The following RBFOX1 variants were observed in gnomAD, a reference collection of about 807,000 sequenced individuals.
The protein encoded by RBFOX1 is RNA binding fox-1 homolog 1.
A neutral mutation model predicts 57.7 loss-of-function variants in RBFOX1; 8 were observed. That is an observed-to-expected ratio of 0.14 (90% confidence interval 0.08 to 0.25). The LOEUF is 0.25. Ranked by LOEUF, RBFOX1 falls within the 10% of genes least tolerant of loss-of-function variation. The pLI, the probability that RBFOX1 is intolerant of heterozygous loss-of-function variation, is 1.00. For synonymous variants in RBFOX1, 326 were observed against 222.4 expected (o/e 1.47, Z -4.15); for missense variants, 611 against 548.5 (o/e 1.11, Z -1.14).
chr16:6,540,138 G>A (rs533502612), intron 2 of RBFOX1, among the ~76,000 whole-genome samples: 1 of 152,252 alleles, frequency 6.6e-6, no homozygotes, highest in South Asian at 2.1e-4. Flanking sequence ...ATAATGACCT[G>A]ATTCTGTATG....
At chr16:6,687,581 C>T (rs2059618061) in intron 3 of RBFOX1, among the ~76,000 whole-genome samples, 1 of 152,098 alleles carries the variant, frequency 6.6e-6, no homozygotes, top group South Asian at 2.1e-4. Flanking sequence ...TATTTCTTGC[C>T]ACATAAAATT....
intron 1 of RBFOX1, among the ~76,000 whole-genome samples, chr16:5,464,295 A>T (rs1261226807): frequency 2.6e-5 from 4 of 152,224 alleles, no homozygotes; most frequent in African/African-American, 4.8e-5. Context: ...TGGGGTAGAC[A>T]TTGGGGTCCA....
intron 4 of RBFOX1, among the ~76,000 whole-genome samples, chr16:7,267,509 C>G (rs965013760): frequency 5.9e-5 from 9 of 151,956 alleles, no homozygotes; most frequent in Non-Finnish European, 1.2e-4. Context: ...GCATTCCAGC[C>G]TGGGCAACAG....
intron 4 of RBFOX1, among the ~76,000 whole-genome samples, chr16:5,894,492 C>T (rs982212775): frequency 6.6e-6 from 1 of 152,000 alleles, no homozygotes. Flanking sequence ...CCTGGCTGGT[C>T]TTGAACTCCT....
At chr16:7,104,818 C>G (rs893535932) in intron 4 of RBFOX1, among the ~76,000 whole-genome samples, 2 of 152,114 alleles carry the variant, frequency 1.3e-5, no homozygotes, top group Admixed American at 6.6e-5. Flanking sequence ...CACAAAGAGG[C>G]TCAGACAAAA....
At chr16:6,359,747 CCTTATA>C (rs1338676452) in intron 2 of RBFOX1, among the ~76,000 whole-genome samples, 2 of 152,088 alleles carry the variant, frequency 1.3e-5, no homozygotes, top group Admixed American at 6.6e-5. Flanking sequence ...TATAAGCCAG[CCTTATA>C]CTTATACTTA....
At chr16:7,262,867 A>C (rs995011853) in intron 4 of RBFOX1, among the ~76,000 whole-genome samples, 1 of 152,256 alleles carries the variant, frequency 6.6e-6, no homozygotes, top group Non-Finnish European at 1.5e-5. Flanking sequence ...AGATAGGACA[A>C]GAGAGAAAAC....
intron 2 of RBFOX1, among the ~76,000 whole-genome samples, chr16:6,601,399 T>C (rs370822601): frequency 1.7e-3 from 262 of 152,292 alleles, no homozygotes; most frequent in African/African-American, 6.1e-3. Flanking sequence ...GTGCTTTTGT[T>C]GGTATTGTGG....
intron 1 of RBFOX1, among the ~76,000 whole-genome samples, chr16:6,162,300 G>C (rs764044741): frequency 4.6e-5 from 7 of 152,120 alleles, no homozygotes; most frequent in Non-Finnish European, 8.8e-5. Flanking sequence ...ATTTTTAGTA[G>C]AGACGGGGTT....
At chr16:5,326,687 A>AT (rs1419495425) in intron 1 of RBFOX1, among the ~76,000 whole-genome samples, 1 of 152,238 alleles carries the variant, frequency 6.6e-6, no homozygotes, top group East Asian at 1.9e-4. Flanking sequence ...CGTTCCAATT[A>AT]AAAAGAGAAA....
At chr16:5,289,298 C>T in intron 1 of RBFOX1, 1 of 423,812 alleles carries the variant, frequency 2.4e-6, no homozygotes, top group Non-Finnish European at 4.5e-6. Context: ...ATGTGGCCTC[C>T]CATGGTCAGC....
intron 5 of RBFOX1, among the ~76,000 whole-genome samples, chr16:7,531,101 T>C (rs937398623): frequency 2.0e-5 from 3 of 152,142 alleles, no homozygotes; most frequent in African/African-American, 7.2e-5. Context: ...ATGTTGCAGA[T>C]TTGTTTTGAA....
intron 1 of RBFOX1, chr16:5,366,082 C>T: frequency 2.1e-6 from 1 of 470,660 alleles, no homozygotes; most frequent in Non-Finnish European, 4.2e-6. Flanking sequence ...ATCATACCAC[C>T]AGTGCTCTTA....
chr16:6,747,709 A>T (rs550143383), intron 3 of RBFOX1, among the ~76,000 whole-genome samples: 2 of 152,254 alleles, frequency 1.3e-5, no homozygotes, highest in South Asian at 4.1e-4. Context: ...AAAAGCAGAA[A>T]TATGTCTTCT....
intron 2 of RBFOX1, among the ~76,000 whole-genome samples, chr16:6,616,978 C>T (rs1301435776): frequency 1.3e-5 from 2 of 152,122 alleles, no homozygotes; most frequent in Non-Finnish European, 2.9e-5. Flanking sequence ...CAACAGAGAC[C>T]TTATGTCCTG....
At chr16:5,408,777 C>T (rs1457884322) in intron 1 of RBFOX1, among the ~76,000 whole-genome samples, 1 of 152,172 alleles carries the variant, frequency 6.6e-6, no homozygotes, top group Non-Finnish European at 1.5e-5. Context: ...CAGGCACTTC[C>T]CATGGCAAAA....
intron 4 of RBFOX1, among the ~76,000 whole-genome samples, chr16:7,405,866 T>C (rs1568676624): frequency 6.6e-6 from 1 of 152,156 alleles, no homozygotes; most frequent in Non-Finnish European, 1.5e-5. Flanking sequence ...AGGTCTGTGA[T>C]TCTCAGGCAG....
chr16:7,520,084 A>C (rs1021899590), intron 5 of RBFOX1, among the ~76,000 whole-genome samples: 2 of 151,864 alleles, frequency 1.3e-5, no homozygotes, highest in Non-Finnish European at 2.9e-5. Context: ...ACGGGATTTC[A>C]CTGTGTTATC....
At chr16:7,655,993 T>C (rs2066211024) in intron 12 of RBFOX1, among the ~76,000 whole-genome samples, 1 of 149,362 alleles carries the variant, frequency 6.7e-6, no homozygotes, top group African/African-American at 2.4e-5. Flanking sequence ...TTCCAAATGA[T>C]GAAACAATGT....
Sources: gnomAD v4.1 joint callset for allele counts (sites outside exome capture counted in the v4.1 genomes callset) on GRCh38, gnomAD v4.1.1 for gene constraint, MANE v1.5 for transcripts, NCBI Gene and HGNC (gene_info 2026-07-23, HGNC 2026-07-21) for gene names.